FBN1: variants seen among roughly 807,000 people sequenced by gnomAD.
FBN1 encodes the protein fibrillin 1.
FBN1 carries 29 observed loss-of-function variants against 365.1 expected under a neutral mutation model. The observed-to-expected ratio is 0.08, with a 90% confidence interval of 0.06 to 0.11. The LOEUF (loss-of-function observed/expected upper bound fraction) is 0.11, where lower values mean the gene tolerates loss of function less well. FBN1 is among the 10% of genes least tolerant of loss of function. The pLI, the probability that FBN1 is intolerant of heterozygous loss-of-function variation, is 1.00. For synonymous variants in FBN1, 1,210 were observed against 1,270.5 expected (o/e 0.95, Z 1.01); for missense variants, 2,476 against 3,703.2 (o/e 0.67, Z 8.60).
At position 48,474,382 on chromosome 15, in the gene FBN1, T is replaced by C. The variant is rs534913868; in HGVS notation, c.4088-5A>G. The C allele has an allele frequency of 1.3e-5, 21 of 1,613,966 alleles. No individual in the cohort carries two copies. Among genetic ancestry groups the C allele is most frequent in the African/African-American group, 4.0e-5 (3 of 74,908 alleles). On this transcript the variant is annotated splice_region_variant and splice_polypyrimidine_tract_variant and intron_variant, in intron 33 of 65. Coordinates refer to ENST00000316623, the MANE Select transcript of FBN1 (RefSeq NM_000138.5). ...CATTGGAACATTCGTCCAGATCTTATAGAAAAAGGTTATATCATTATTAAC... is the reference window on the plus strand; with the variant it reads ...CATTGGAACATTCGTCCAGATCTTACAGAAAAAGGTTATATCATTATTAAC...
chr15:48,604,993 C>A (rs985147450), intron 4 of FBN1, among the ~76,000 whole-genome samples: 2 of 152,084 alleles, frequency 1.3e-5, no homozygotes, highest in African/African-American at 2.4e-5. Flanking sequence ...GTTTTGTCTG[C>A]GACTGGTCCT....
intron 6 of FBN1, among the ~76,000 whole-genome samples, chr15:48,562,334 T>G (rs551489207): frequency 6.6e-6 from 1 of 152,310 alleles, no homozygotes; most frequent in Non-Finnish European, 1.5e-5. Context: ...CAGGGAAACT[T>G]TACAATTCTG....
chr15:48,546,220 C>G (rs1026636344), intron 6 of FBN1, among the ~76,000 whole-genome samples: 2 of 152,074 alleles, frequency 1.3e-5, no homozygotes, highest in Non-Finnish European at 2.9e-5. Flanking sequence ...AGTTTGCAAT[C>G]TTGTGGAGGA....
intron 15 of FBN1, among the ~76,000 whole-genome samples, chr15:48,507,104 C>T (rs1056682721): frequency 6.6e-6 from 1 of 152,174 alleles, no homozygotes; most frequent in Non-Finnish European, 1.5e-5. Context: ...ATTGGCCATA[C>T]TTAATGTTGG....
Position 48,448,272 on chromosome 15 carries a change from T to TA in FBN1, c.5671+495dup, listed in dbSNP as rs566047074. On this transcript the variant is annotated intron_variant, in intron 46 of 65. Transcript: ENST00000316623. ...ATTCATTACACACTGAAGTTTATTC[T>TA]AAATCAGCATCCTGATAATAGAGAA... 6.6e-5 allele frequency among the ~76,000 whole-genome samples: 10 copies of TA among 151,620 alleles called. No homozygotes were observed. The South Asian group carries it at 1.0e-3, about 16-fold the overall frequency.
At chr15:48,426,465 T>C (rs1566893104) in intron 58 of FBN1, among the ~76,000 whole-genome samples, 1 of 152,158 alleles carries the variant, frequency 6.6e-6, no homozygotes, top group Non-Finnish European at 1.5e-5. Flanking sequence ...GCTGGGTTTT[T>C]GCAGCCTGCT....
chr15:48,542,507 G>C (rs1282934645), intron 6 of FBN1, among the ~76,000 whole-genome samples: 1 of 152,164 alleles, frequency 6.6e-6, no homozygotes, highest in African/African-American at 2.4e-5. Context: ...GGAGTTCAGA[G>C]AACTTTTAGT....
intron 6 of FBN1, among the ~76,000 whole-genome samples, chr15:48,565,761 T>C (rs1402943430): frequency 2.0e-5 from 3 of 152,142 alleles, no homozygotes; most frequent in Non-Finnish European, 2.9e-5. Context: ...GAAAAAGCTG[T>C]TTTGAAGAAT....
intron 6 of FBN1, among the ~76,000 whole-genome samples, chr15:48,573,347 G>C (rs1409752797): frequency 6.6e-6 from 1 of 151,930 alleles, no homozygotes; most frequent in African/African-American, 2.4e-5. Flanking sequence ...ATCTTAAAAT[G>C]GTGCATAAAG....
chr15:48,410,819 T>G lies in FBN1; in HGVS notation c.*171A>C. ...GCCTGAGAAAGTGGTTGTTTTGAAC[T>G]AGGGTAGTCACCTGTACCTTGCTTT... On this transcript the variant is annotated 3_prime_UTR_variant, in exon 66 of 66. Transcript: ENST00000316623. The G allele has an allele frequency of 3.1e-6, 2 of 649,210 alleles. No homozygotes were observed. The highest frequency in any genetic ancestry group is 2.0e-5 in the South Asian group (1 of 49,286). 40.2% of individuals were successfully genotyped at this position (649,210 alleles called of 1,614,324 possible). A position where few individuals can be genotyped will look rare whatever the true frequency, so the allele number is the denominator to read the frequency against.
chr15:48,436,828 A>C lies in FBN1; in HGVS notation c.6496+133T>G, dbSNP rs2043075597. On this transcript the variant is annotated intron_variant, in intron 53 of 65. Coordinates refer to ENST00000316623, the MANE Select transcript of FBN1 (RefSeq NM_000138.5). ...TGGTGACTCACTAGTATTCTAAATG[A>C]ATGATGTATGAGTGGATGGATAAAA... 4 of 734,036 alleles carry C rather than the reference A, an allele frequency of 5.4e-6. No individual in the cohort carries two copies. In the East Asian group the frequency reaches 1.0e-4, roughly 19 times the overall value. 45.5% of individuals were successfully genotyped at this position (734,036 alleles called of 1,614,324 possible). A position where few individuals can be genotyped will look rare whatever the true frequency, so the allele number is the denominator to read the frequency against.
chr15:48,586,985 C>G (rs1023692840), intron 6 of FBN1, among the ~76,000 whole-genome samples: 5 of 152,138 alleles, frequency 3.3e-5, no homozygotes, highest in African/African-American at 9.7e-5. Flanking sequence ...AAAACAGTTT[C>G]CTTCCTGCAG....
chr15:48,592,108 G>A (rs1042181157), intron 6 of FBN1, among the ~76,000 whole-genome samples: 53 of 152,152 alleles, frequency 3.5e-4, no homozygotes, highest in African/African-American at 1.3e-3. Context: ...TCCAATGGCC[G>A]CTTTATGATT....
At chr15:48,475,814 G>A (rs2043413962) in intron 32 of FBN1, among the ~76,000 whole-genome samples, 1 of 152,190 alleles carries the variant, frequency 6.6e-6, no homozygotes, top group African/African-American at 2.4e-5. Context: ...ATGGTCCTGG[G>A]ATCTTTGGCT....
intron 3 of FBN1, 135 bp downstream of exon 3, chr15:48,612,875 A>C (rs2044667559): frequency 1.3e-6 from 1 of 753,100 alleles, no homozygotes; most frequent in Admixed American, 2.0e-5. Context: ...GAAAGGTAGA[A>C]AAGTCTTAAA....
At chr15:48,645,424 A>G (rs973263187) in intron 1 of FBN1, among the ~76,000 whole-genome samples, 151 bp downstream of exon 1, 1 of 152,208 alleles carries the variant, frequency 6.6e-6, no homozygotes, top group Non-Finnish European at 1.5e-5. Context: ...CAGGCAGGGG[A>G]GGGCCAGCGC....
chr15:48,492,755 G>C (rs1425106576), intron 23 of FBN1, among the ~76,000 whole-genome samples, 169 bp from the exon 24 acceptor site: 1 of 152,112 alleles, frequency 6.6e-6, no homozygotes, highest in African/African-American at 2.4e-5. Flanking sequence ...ATAGCAACCA[G>C]AACGAGCCCA....
intron 17 of FBN1, among the ~76,000 whole-genome samples, chr15:48,500,320 T>C (rs933769032): frequency 2.6e-5 from 4 of 152,238 alleles, no homozygotes; most frequent in African/African-American, 9.6e-5. Flanking sequence ...AAGCAAATTA[T>C]TGTCACCATT....
chr15:48,534,121 G>T lies in FBN1; in HGVS notation c.821C>A (p.Pro274His), dbSNP rs1085307537. Reference sequence around the variant, plus strand: ...CACTTCATTAAGTTTGTGTCCAGCAGGGCATTTGCACTCAAAAGACCCAAC... The same window carrying T: ...CACTTCATTAAGTTTGTGTCCAGCATGGCATTTGCACTCAAAAGACCCAAC... ...NTVGSFECKC[P>H]AGHKLNEVSQ... The change falls in exon 8 of 66, where the codon CCT becomes CAT. Residue 274 changes from proline (P) to histidine (H), a missense_variant. This residue lies in a region of FBN1 where 421 missense variants were observed against 520.1 expected (regional missense o/e 0.81). Coordinates refer to ENST00000316623, the MANE Select transcript of FBN1 (RefSeq NM_000138.5). The T allele has an allele frequency of 5.6e-6, 9 of 1,613,510 alleles. No homozygotes were observed. The highest frequency in any genetic ancestry group is 7.6e-6 in the Non-Finnish European group (9 of 1,179,920).
Sources: gnomAD v4.1 joint callset for allele counts (sites outside exome capture counted in the v4.1 genomes callset) on GRCh38, gnomAD v4.1.1 for gene constraint, gnomAD v4.1.1 regional missense constraint, MANE v1.5 for transcripts, NCBI Gene and HGNC (gene_info 2026-07-23, HGNC 2026-07-21) for gene names.